Variants in SYT16 observed in about 807,000 individuals in gnomAD.
The protein encoded by SYT16 is synaptotagmin-16.
In SYT16, 42 loss-of-function variants were observed where a neutral mutation model predicts 61.4. The ratio of observed to expected loss-of-function variants is 0.68; its 90% CI spans 0.53 to 0.89. The LOEUF is 0.89. Ranked by LOEUF, SYT16 falls within the 40% of genes least tolerant of loss-of-function variation. The probability of loss-of-function intolerance (pLI) is 0.00; values close to 1 mark genes in which losing one functional copy is unlikely to be tolerated. For missense variants in SYT16, 804 were observed against 807.3 expected (o/e 1.00, Z 0.05); for synonymous variants, 314 against 302.3 (o/e 1.04, Z -0.40).
intron 1 of SYT16, among the ~76,000 whole-genome samples, chr14:61,900,917 A>G (rs2048491867): frequency 6.6e-6 from 1 of 152,212 alleles, no homozygotes; most frequent in Non-Finnish European, 1.5e-5. Context: ...TTACCAAAAG[A>G]AGGTGGACTG....
intron 1 of SYT16, among the ~76,000 whole-genome samples, chr14:61,829,831 T>G (rs2045883419): frequency 6.6e-6 from 1 of 152,110 alleles, no homozygotes; most frequent in Non-Finnish European, 1.5e-5. Context: ...ATTTTTTGTA[T>G]TTTTAGTATA....
intron 1 of SYT16, among the ~76,000 whole-genome samples, chr14:61,855,004 G>T (rs1453168769): frequency 6.6e-6 from 1 of 151,986 alleles, no homozygotes; most frequent in Non-Finnish European, 1.5e-5. Flanking sequence ...CATCACACTT[G>T]CTTGTATAGG....
chr14:61,941,110 C>T (rs890682715), intron 1 of SYT16, among the ~76,000 whole-genome samples: 8 of 152,180 alleles, frequency 5.3e-5, no homozygotes, highest in African/African-American at 1.7e-4. Flanking sequence ...AGCTTGGGAT[C>T]TATAGACAAA....
At chr14:61,859,157 C>A (rs2046885335) in intron 1 of SYT16, among the ~76,000 whole-genome samples, 1 of 151,960 alleles carries the variant, frequency 6.6e-6, no homozygotes, top group Admixed American at 6.6e-5. Flanking sequence ...CCGCGCCCGG[C>A]CAGCCCCAAA....
intron 1 of SYT16, among the ~76,000 whole-genome samples, chr14:61,901,271 CCT>C (rs1367281529): frequency 6.6e-6 from 1 of 152,158 alleles, no homozygotes; most frequent in Non-Finnish European, 1.5e-5. Flanking sequence ...CCAAGAATCC[CCT>C]GTGTACCTAT....
At chr14:62,092,173 A>AACACACACACACAC (rs56324432) in intron 7 of SYT16, among the ~76,000 whole-genome samples, 48 of 131,394 alleles carry the variant, frequency 3.7e-4, no homozygotes, top group East Asian at 1.5e-3. Flanking sequence ...TGGCTACTAT[A>AACACACACACACAC]ACACACACAC....
intron 1 of SYT16, among the ~76,000 whole-genome samples, chr14:61,962,966 A>G (rs553996853): frequency 6.6e-6 from 1 of 152,012 alleles, no homozygotes; most frequent in Non-Finnish European, 1.5e-5. Flanking sequence ...GGTTATTTTG[A>G]TGTATTTGTC....
rs185608254 is a variant in SYT16 at position 61,949,122 on chromosome 14, A to C, written c.-324-21010A>C. Among the ~76,000 whole-genome samples the C allele has an allele frequency of 1.5e-3, 221 of 152,316 alleles. 1 individual carries two copies. The highest frequency in any genetic ancestry group is 5.0e-3 in the African/African-American group (206 of 41,562). ...TAATTTCATCTTAAGTGAATCCACC[A>C]CCAGATACAAGATTGGTTCTAGTTT... On this transcript the variant is annotated intron_variant, in intron 1 of 7. Coordinates refer to ENST00000683842, the MANE Select transcript of SYT16 (RefSeq NM_001367656.1).
intron 1 of SYT16, among the ~76,000 whole-genome samples, chr14:61,823,044 G>A (rs942263062): frequency 1.3e-5 from 2 of 152,108 alleles, no homozygotes; most frequent in Admixed American, 6.5e-5. Context: ...CCAGGTTGGA[G>A]TGCAGTAGCA....
intron 1 of SYT16, among the ~76,000 whole-genome samples, chr14:61,815,123 C>T (rs1260286473): frequency 6.6e-6 from 1 of 152,188 alleles, no homozygotes; most frequent in African/African-American, 2.4e-5. Flanking sequence ...GGACTTCACT[C>T]CCAGAGTTCC....
At chr14:61,868,273 T>C (rs948724971) in intron 1 of SYT16, among the ~76,000 whole-genome samples, 1 of 151,906 alleles carries the variant, frequency 6.6e-6, no homozygotes, top group African/African-American at 2.4e-5. Context: ...ATCAATTTTA[T>C]TGTTTTTTCC....
intron 2 of SYT16, among the ~76,000 whole-genome samples, chr14:61,986,460 T>G (rs2052318744): frequency 6.7e-6 from 1 of 150,146 alleles, no homozygotes; most frequent in Non-Finnish European, 1.5e-5. Flanking sequence ...TATATATATA[T>G]TTTTATTATA....
chr14:61,917,971 G>T (rs1292174283), intron 1 of SYT16, among the ~76,000 whole-genome samples: 1 of 152,268 alleles, frequency 6.6e-6, no homozygotes, highest in South Asian at 2.1e-4. Flanking sequence ...TGAAGTTTGT[G>T]TATATAGAAT....
intron 1 of SYT16, among the ~76,000 whole-genome samples, chr14:61,858,632 C>T (rs2046857895): frequency 6.6e-6 from 1 of 152,076 alleles, no homozygotes; most frequent in African/African-American, 2.4e-5. Context: ...ATAAGTCGCA[C>T]CAAGGAAATT....
At chr14:61,872,589 TG>T (rs2047363576) in intron 1 of SYT16, among the ~76,000 whole-genome samples, 1 of 152,226 alleles carries the variant, frequency 6.6e-6, no homozygotes, top group South Asian at 2.1e-4. Context: ...GTGCTTTTCC[TG>T]CCCCTTCCTG....
At chr14:61,854,079 C>A (rs1397429786) in intron 1 of SYT16, among the ~76,000 whole-genome samples, 2 of 152,014 alleles carry the variant, frequency 1.3e-5, no homozygotes, top group Non-Finnish European at 2.9e-5. Flanking sequence ...TAGGTTGATA[C>A]ACACACACCC....
At chr14:62,006,451 T>C (rs2053229633) in intron 3 of SYT16, among the ~76,000 whole-genome samples, 1 of 152,166 alleles carries the variant, frequency 6.6e-6, no homozygotes, top group Non-Finnish European at 1.5e-5. Flanking sequence ...GTATCTTGAT[T>C]TTATGTTTCT....
chr14:62,011,200 G>T (rs2053434034), intron 3 of SYT16, among the ~76,000 whole-genome samples: 1 of 152,084 alleles, frequency 6.6e-6, no homozygotes, highest in South Asian at 2.1e-4. Context: ...GAGTAAATCT[G>T]GTTTCATGGG....
chr14:61,880,354 T>A (rs2047657225), intron 1 of SYT16, among the ~76,000 whole-genome samples: 1 of 152,232 alleles, frequency 6.6e-6, no homozygotes, highest in Non-Finnish European at 1.5e-5. Flanking sequence ...CATACTGTCT[T>A]AGTTGCTTTA....
Sources: gnomAD v4.1 joint callset for allele counts (sites outside exome capture counted in the v4.1 genomes callset) on GRCh38, gnomAD v4.1.1 for gene constraint, MANE v1.5 for transcripts, NCBI Gene and HGNC (gene_info 2026-07-23, HGNC 2026-07-21) for gene names.